ZC3H12B: variants seen among roughly 807,000 people sequenced by gnomAD.
The protein encoded by ZC3H12B is probable ribonuclease ZC3H12B.
A neutral mutation model predicts 43.9 loss-of-function variants in ZC3H12B; 7 were observed. The ratio of observed to expected loss-of-function variants is 0.16; its 90% confidence interval spans 0.09 to 0.30. The LOEUF (loss-of-function observed/expected upper bound fraction) is 0.30. Ranked by LOEUF, ZC3H12B falls within the 10% of genes least tolerant of loss-of-function variation. The pLI is 1.00. For synonymous variants in ZC3H12B, 222 were observed against 241.7 expected (o/e 0.92, Z 0.76); for missense variants, 475 against 670.2 (o/e 0.71, Z 3.22).
chrX:65,101,535 C>G, the ZC3H12B span, among the ~76,000 whole-genome samples: 1 of 111,595 alleles, frequency 9.0e-6, no homozygotes, highest in South Asian at 3.7e-4. Flanking sequence ...ATCAAATAGA[C>G]ACAATAAAAA....
At chrX:65,114,916 A>ATTTTTTTTTTT in the ZC3H12B span, among the ~76,000 whole-genome samples, 2 of 19,323 alleles carry the variant, frequency 1.0e-4, no homozygotes, top group Non-Finnish European at 1.6e-4. Context: ...GTGTCTCAGG[A>ATTTTTTTTTTT]TTTTTTTTTT....
chrX:65,071,439 T>G, the ZC3H12B span, among the ~76,000 whole-genome samples: 2 of 110,611 alleles, frequency 1.8e-5, no homozygotes, highest in Non-Finnish European at 3.8e-5. Context: ...AGTTGGGGAA[T>G]TTAGCCCATT....
the ZC3H12B span, among the ~76,000 whole-genome samples, chrX:65,194,580 G>A: frequency 4.5e-5 from 5 of 111,650 alleles, no homozygotes; most frequent in East Asian, 1.4e-3. Context: ...TTAAGACTTG[G>A]TTTTGACCTA....
chrX:65,403,127 A>G lies in ZC3H12B; in HGVS notation n.407+4423A>G, dbSNP rs187911717. 5.3e-5 allele frequency among the ~76,000 whole-genome samples: 6 copies of G among 112,308 alleles called. No homozygotes were observed. The Admixed American group carries it at 5.7e-4, about 11-fold the overall frequency. The stretch of plus-strand genomic sequence containing the variant: ...ATTTTATCAGATTAATTTTTCAGAG[A>G]TTGAAATAATTTTAAAAATCAAGCA... On this transcript the variant is annotated intron_variant and non_coding_transcript_variant, in intron 3 of 5. Coordinates refer to the ZC3H12B transcript ENST00000617377.
the ZC3H12B span, among the ~76,000 whole-genome samples, chrX:65,359,380 T>A: frequency 1.8e-5 from 2 of 111,843 alleles, no homozygotes; most frequent in African/African-American, 6.5e-5. Context: ...ATTCATCTGA[T>A]GAACCTGGGA....
chrX:65,122,790 G>A, the ZC3H12B span, among the ~76,000 whole-genome samples: 1 of 111,282 alleles, frequency 9.0e-6, no homozygotes, highest in African/African-American at 3.3e-5. Flanking sequence ...GACAAAGAAG[G>A]CCATTACATA....
chrX:65,317,370 C>T, the ZC3H12B span, among the ~76,000 whole-genome samples: 1 of 110,513 alleles, frequency 9.0e-6, no homozygotes, highest in African/African-American at 3.3e-5. Context: ...ATTACACAAC[C>T]TACTCTTTTA....
chrX:65,376,486 C>T (rs773550499), intron 2 of ZC3H12B, among the ~76,000 whole-genome samples: 2 of 111,474 alleles, frequency 1.8e-5, no homozygotes, highest in Non-Finnish European at 3.8e-5. Flanking sequence ...GTTTTGCTGG[C>T]CTCAGGTCTG....
chrX:65,104,794 A>G, the ZC3H12B span, among the ~76,000 whole-genome samples: 1 of 111,901 alleles, frequency 8.9e-6, no homozygotes, highest in African/African-American at 3.2e-5. Context: ...GAATGGTTGT[A>G]CACTATTGGT....
chrX:65,327,035 T>A, the ZC3H12B span, among the ~76,000 whole-genome samples: 6 of 111,210 alleles, frequency 5.4e-5, no homozygotes, highest in East Asian at 8.4e-4. Flanking sequence ...GAAATATAAA[T>A]TAGTACAGTC....
At chrX:65,142,468 G>T in the ZC3H12B span, among the ~76,000 whole-genome samples, 2 of 112,037 alleles carry the variant, frequency 1.8e-5, no homozygotes, top group African/African-American at 6.5e-5. Context: ...TGTTTACTTT[G>T]CTGACTGTTC....
At chrX:65,125,634 T>A in the ZC3H12B span, among the ~76,000 whole-genome samples, 1 of 111,349 alleles carries the variant, frequency 9.0e-6, no homozygotes, top group Non-Finnish European at 1.9e-5. Flanking sequence ...ATAATAGTAA[T>A]TGTTTTATGA....
the ZC3H12B span, among the ~76,000 whole-genome samples, chrX:65,082,048 G>A: frequency 9.0e-6 from 1 of 111,588 alleles, no homozygotes; most frequent in African/African-American, 3.2e-5. Flanking sequence ...AAATTAAGAA[G>A]GAAATTGAAA....
chrX:65,168,854 T>C, the ZC3H12B span, among the ~76,000 whole-genome samples: 1 of 112,073 alleles, frequency 8.9e-6, no homozygotes, highest in East Asian at 2.8e-4. Context: ...TCTCTGATGG[T>C]AGTTTGTATT....
intron 3 of ZC3H12B, among the ~76,000 whole-genome samples, chrX:65,421,999 C>G (rs1276591681): frequency 9.1e-6 from 1 of 110,485 alleles, no homozygotes; most frequent in East Asian, 2.8e-4. Context: ...ATAAAACTCA[C>G]AGGTTTTACC....
the ZC3H12B span, among the ~76,000 whole-genome samples, chrX:65,203,942 A>C: frequency 9.0e-6 from 1 of 111,681 alleles, no homozygotes; most frequent in Non-Finnish European, 1.9e-5. Flanking sequence ...CTCTAGCTAG[A>C]GATGTTATAA....
the ZC3H12B span, among the ~76,000 whole-genome samples, chrX:65,118,301 G>A: frequency 4.9e-4 from 55 of 111,379 alleles, 1 homozygote; most frequent in South Asian, 0.018. Flanking sequence ...TGGATTCTTA[G>A]GTATTTTATT....
At chrX:65,227,813 C>G in the ZC3H12B span, among the ~76,000 whole-genome samples, 1 of 111,287 alleles carries the variant, frequency 9.0e-6, no homozygotes, top group South Asian at 3.8e-4. Flanking sequence ...GACACATACA[C>G]CCTCCCAAGA....
At chrX:65,371,894 C>G (rs569879131) in intron 2 of ZC3H12B, among the ~76,000 whole-genome samples, 15 of 111,332 alleles carry the variant, frequency 1.3e-4, no homozygotes, top group Middle Eastern at 4.7e-3. Flanking sequence ...TTTTTAGAAA[C>G]TGCCAAAGAA....
Sources: allele counts gnomAD v4.1 joint callset (sites outside exome capture counted in the v4.1 genomes callset), GRCh38; gene constraint gnomAD v4.1.1; transcripts MANE v1.5; gene names NCBI Gene and HGNC (gene_info 2026-07-23, HGNC 2026-07-21).